USP42: variants seen among roughly 807,000 people sequenced by gnomAD.
USP42 encodes the protein ubiquitin carboxyl-terminal hydrolase 42.
Under a neutral mutation model 113.0 loss-of-function variants are expected in USP42, and 23 were observed. The ratio of observed to expected loss-of-function variants is 0.20; its 90% CI spans 0.15 to 0.29. The LOEUF is 0.29. USP42 is among the 10% of genes least tolerant of loss of function. USP42 has a pLI of 1.00. For synonymous variants in USP42, 933 were observed against 699.0 expected (o/e 1.33, Z -5.28); for missense variants, 2,174 against 1,779.8 (o/e 1.22, Z -3.99).
chr7:6,112,741 T>A (rs1436152572), intron 2 of USP42, among the ~76,000 whole-genome samples: 1 of 152,104 alleles, frequency 6.6e-6, no homozygotes, highest in East Asian at 1.9e-4. Context: ...GATTTTTTTT[T>A]AAGCTCATTA....
At chr7:6,134,889 T>A (rs796294675) in intron 3 of USP42, among the ~76,000 whole-genome samples, 1 of 152,146 alleles carries the variant, frequency 6.6e-6, no homozygotes, top group South Asian at 2.1e-4. Context: ...TGGGATCAGG[T>A]GATCCTCCTG....
At chr7:6,137,772 C>T (rs1781225891) in intron 4 of USP42, among the ~76,000 whole-genome samples, 1 of 152,150 alleles carries the variant, frequency 6.6e-6, no homozygotes. Context: ...CTCCGCCTCT[C>T]GGATTCCAGC....
At chr7:6,144,220 A>G in intron 9 of USP42, 24 bp downstream of exon 9, 2 of 1,476,544 alleles carry the variant, frequency 1.4e-6, no homozygotes, top group Non-Finnish European at 9.3e-7. Flanking sequence ...GTCATTAATC[A>G]TGTTTTATGT....
At position 6,112,114 on chromosome 7, in the gene USP42, C is replaced by T. The variant is rs569139544; in HGVS notation, c.241+740C>T. Among the ~76,000 whole-genome samples, 3 of 150,844 alleles carry T rather than the reference C, an allele frequency of 2.0e-5. No homozygotes were observed. In the South Asian group the frequency reaches 6.3e-4, roughly 32 times the overall value. On this transcript the variant is annotated intron_variant, in intron 2 of 17. Coordinates refer to ENST00000306177, the MANE Select transcript of USP42 (RefSeq NM_032172.3). The stretch of plus-strand genomic sequence containing the variant: ...TTTTTGTTTTTGTTTTTGTTTTTTT[C>T]CTGGCAGTTAAAAATCATTCGTAGT...
In USP42 at chr7:6,157,029, G is replaced by A; in HGVS notation, c.3917G>A (p.Arg1306Lys). The change falls in exon 16 of 18, where the codon AGG (arginine) becomes AAG (lysine). Residue 1306 changes from arginine (R) to lysine (K), a missense_variant. Physicochemically the swap from Arg to Lys is conservative, Grantham distance 26. Transcript: ENST00000306177. This position sits in a 1 kb window ranked among gnomAD's most constrained non-coding sequence, Gnocchi z 4.1. Reference sequence around the variant, plus strand: ...TTACGGATGGAAAGCAGGGATGACAGGTGTCGTCTCTTTGAGTATGGCCAG... The same window carrying A: ...TTACGGATGGAAAGCAGGGATGACAAGTGTCGTCTCTTTGAGTATGGCCAG... ...KHLRMESRDDRCRLFEYGQGD is the reference protein window; with the variant it reads ...KHLRMESRDDKCRLFEYGQGD The A allele has an allele frequency of 6.2e-7, 1 of 1,610,152 alleles. No individual in the cohort carries two copies. Among genetic ancestry groups the A allele is most frequent in the Non-Finnish European group, 8.5e-7 (1 of 1,178,682 alleles).
At position 6,159,780 on chromosome 7, in the gene USP42, A is replaced by T. The variant is rs1303958687; in HGVS notation, c.*36+287A>T. 6.6e-6 allele frequency among the ~76,000 whole-genome samples: 1 copy of T among 152,238 alleles called. No individual in the cohort carries two copies. The highest frequency in any genetic ancestry group is 2.4e-5 in the African/African-American group (1 of 41,472). On this transcript the variant is annotated intron_variant, in intron 17 of 17. Transcript: ENST00000306177. This position sits in a 1 kb window ranked among gnomAD's most constrained non-coding sequence, Gnocchi z 4.1. ...CCTTGTGCCTCACTTGGGAAAAGCC[A>T]ACCCGGCTCACAGCGGCAGAGCCCA...
At chr7:6,146,727 C>T (rs759879389) in intron 11 of USP42, among the ~76,000 whole-genome samples, 5 of 152,142 alleles carry the variant, frequency 3.3e-5, no homozygotes, top group Non-Finnish European at 7.4e-5. Context: ...AGTGTCTGAG[C>T]GGGATGATGA....
At chr7:6,113,849 C>T (rs1317210013) in intron 2 of USP42, among the ~76,000 whole-genome samples, 3 of 151,906 alleles carry the variant, frequency 2.0e-5, no homozygotes, top group African/African-American at 7.3e-5. Flanking sequence ...TCTCGATCTC[C>T]TGACCTTGTG....
chr7:6,134,481 T>G (rs1159662280), intron 3 of USP42, among the ~76,000 whole-genome samples: 6 of 152,204 alleles, frequency 3.9e-5, no homozygotes, highest in African/African-American at 1.4e-4. Context: ...TAATTGGGAA[T>G]AGCTTGATCC....
chr7:6,122,738 G>A (rs982304993), intron 3 of USP42, among the ~76,000 whole-genome samples: 2 of 152,046 alleles, frequency 1.3e-5, no homozygotes, highest in African/African-American at 4.8e-5. Flanking sequence ...CCAAAGTGCT[G>A]GGATTACAGG....
In USP42 at chr7:6,153,877, G is replaced by C. The variant is rs764138389; in HGVS notation, c.2323G>C (p.Ala775Pro). The C allele has an allele frequency of 5.1e-6, 8 of 1,562,746 alleles. No individual in the cohort carries two copies. The highest frequency in any genetic ancestry group is 6.1e-6 in the Non-Finnish European group (7 of 1,155,624). Residue 775 changes from alanine (A) to proline (P), a missense_variant, in exon 15 of 18, where the codon GCT becomes CCT. Transcript: ENST00000306177. ...AAAGLSSTKK[A>P]PPPRDPGTPA... ...CGCCGGCCTCAGCAGCACCAAGAAGGCTCCGCCGCCCCGCGATCCCGGCAC... is the reference window on the plus strand; with the variant it reads ...CGCCGGCCTCAGCAGCACCAAGAAGCCTCCGCCGCCCCGCGATCCCGGCAC...
chr7:6,092,517 T>A, the USP42 span, among the ~76,000 whole-genome samples: 1 of 151,066 alleles, frequency 6.6e-6, no homozygotes, highest in African/African-American at 2.5e-5. Flanking sequence ...GTTGTAAAAC[T>A]TTTCCTGAAC....
chr7:6,081,452 G>A, the USP42 span, among the ~76,000 whole-genome samples: 1 of 152,134 alleles, frequency 6.6e-6, no homozygotes, highest in Non-Finnish European at 1.5e-5. Flanking sequence ...TCGTCCGCCG[G>A]ACAGCCAATC....
At chr7:6,132,050 A>T (rs1780879492) in intron 3 of USP42, among the ~76,000 whole-genome samples, 1 of 152,224 alleles carries the variant, frequency 6.6e-6, no homozygotes, top group South Asian at 2.1e-4. Flanking sequence ...CTCCCACCTC[A>T]ACTTCCTGAA....
At chr7:6,146,369 TC>T in intron 11 of USP42, 121 bp downstream of exon 11, 1 of 703,198 alleles carries the variant, frequency 1.4e-6, no homozygotes, top group Non-Finnish European at 2.3e-6. Context: ...AGCTTAAAGA[TC>T]AACTCTAGCC....
chr7:6,150,632 G>T (rs1781989564), intron 14 of USP42, 126 bp downstream of exon 14: 2 of 863,906 alleles, frequency 2.3e-6, no homozygotes, highest in Non-Finnish European at 3.6e-6. Context: ...AGAATGATTT[G>T]AATTATAATG....
chr7:6,131,600 C>T (rs1780854651), intron 3 of USP42, among the ~76,000 whole-genome samples: 1 of 152,172 alleles, frequency 6.6e-6, no homozygotes, highest in Admixed American at 6.5e-5. Flanking sequence ...CATCCTTTGG[C>T]TGGAGAGAGT....
intron 3 of USP42, among the ~76,000 whole-genome samples, chr7:6,125,711 C>T (rs1443230518): frequency 6.6e-6 from 1 of 151,378 alleles, no homozygotes; most frequent in Non-Finnish European, 1.5e-5. Flanking sequence ...CTTTTCATTC[C>T]TTTTTATGTA....
At chr7:6,104,343 G>T (rs1319499490), upstream of USP42, among the ~76,000 whole-genome samples, 1 of 145,346 alleles carries the variant, frequency 6.9e-6, no homozygotes, top group Admixed American at 6.6e-5. Context: ...CGGCCTCCCA[G>T]AATGCTGGGA....
Sources: gnomAD v4.1 joint callset for allele counts (sites outside exome capture counted in the v4.1 genomes callset) on GRCh38, gnomAD v4.1.1 for gene constraint, Gnocchi (gnomAD v3.1) non-coding constraint, MANE v1.5 for transcripts, NCBI Gene and HGNC (gene_info 2026-07-23, HGNC 2026-07-21) for gene names.